Variants in FAT3 observed in about 807,000 individuals in gnomAD.
The protein encoded by FAT3 is protocadherin Fat 3.
A neutral mutation model predicts 310.2 loss-of-function variants in FAT3; 95 were observed. The ratio of observed to expected loss-of-function variants is 0.31; its 90% CI spans 0.26 to 0.36. The LOEUF is 0.36. FAT3 is among the 10% of genes least tolerant of loss of function. The pLI is 1.00. For missense variants in FAT3, 5,408 were observed against 5,715.6 expected (o/e 0.95, Z 1.74); for synonymous variants, 2,314 against 2,192.9 (o/e 1.06, Z -1.54).
intron 2 of FAT3, among the ~76,000 whole-genome samples, chr11:92,481,470 A>G (rs940452744): frequency 2.6e-5 from 4 of 152,194 alleles, no homozygotes; most frequent in African/African-American, 9.6e-5. Context: ...TATATGCATT[A>G]ATCTAGTTTA....
chr11:92,287,814 T>C (rs1411463974), intron 1 of FAT3, among the ~76,000 whole-genome samples: 2 of 152,112 alleles, frequency 1.3e-5, no homozygotes, highest in African/African-American at 4.8e-5. Context: ...TGCCAGAGGT[T>C]CCCAGGTAGC....
chr11:92,560,149 T>C (rs1955170084), intron 3 of FAT3, among the ~76,000 whole-genome samples: 1 of 152,232 alleles, frequency 6.6e-6, no homozygotes, highest in Non-Finnish European at 1.5e-5. Flanking sequence ...GCCATCATAC[T>C]GGATGTTAAG....
intron 1 of FAT3, among the ~76,000 whole-genome samples, chr11:92,307,363 C>G (rs1193779597): frequency 4.6e-5 from 7 of 152,170 alleles, no homozygotes; most frequent in African/African-American, 1.7e-4. Context: ...CACTACCTGG[C>G]TAGGCAGACA....
rs780951951 is a variant in FAT3 at position 92,887,111 on chromosome 11, A to G, written c.13049A>G (p.Asn4350Ser). The change falls in exon 25 of 28, where the codon AAT becomes AGT. Residue 4350 changes from asparagine (N) to serine (S), a missense_variant and splice_region_variant. Coordinates refer to ENST00000525166, the MANE Select transcript of FAT3 (RefSeq NM_001367949.2). ...SSFQSDSGDD[N>S]ASIVTVIQLV... is the part of the protein sequence containing the mutation. ...TTCCAGTCAGATTCTGGTGACGACA[A>G]TGGTAAGAAGTCATCAGATTTGTTC... The G allele has an allele frequency of 1.9e-6, 3 of 1,607,778 alleles. No individual in the cohort carries two copies. The highest frequency in any genetic ancestry group is 2.2e-5 in the South Asian group (2 of 89,126).
intron 1 of FAT3, among the ~76,000 whole-genome samples, chr11:92,280,596 C>T (rs1946394991): frequency 6.6e-6 from 1 of 152,184 alleles, no homozygotes; most frequent in Admixed American, 6.5e-5. Flanking sequence ...CATTACCTTT[C>T]TAAATCACAA....
chr11:92,645,504 A>AAC (rs397946472), intron 3 of FAT3, among the ~76,000 whole-genome samples: 3 of 151,822 alleles, frequency 2.0e-5, no homozygotes, highest in Admixed American at 2.0e-4. Context: ...AAAAAAAAAA[A>AAC]CAGGTAAACA....
intron 5 of FAT3, among the ~76,000 whole-genome samples, chr11:92,763,189 T>C (rs2136090020): frequency 6.6e-6 from 1 of 151,758 alleles, no homozygotes; most frequent in East Asian, 2.0e-4. Context: ...CCACCACTCT[T>C]TTCTTTGTCT....
At chr11:92,636,717 C>CT (rs1270105266) in intron 3 of FAT3, among the ~76,000 whole-genome samples, 1 of 152,206 alleles carries the variant, frequency 6.6e-6, no homozygotes, top group Non-Finnish European at 1.5e-5. Context: ...GGGCTTCAGG[C>CT]TTCAGAACTC....
intron 3 of FAT3, among the ~76,000 whole-genome samples, chr11:92,634,446 C>T (rs1941681535): frequency 6.6e-6 from 1 of 152,212 alleles, no homozygotes; most frequent in Non-Finnish European, 1.5e-5. Context: ...GTATCTCCTC[C>T]TATACTGAAG....
At chr11:92,643,303 T>C (rs1288283071) in intron 3 of FAT3, among the ~76,000 whole-genome samples, 1 of 152,180 alleles carries the variant, frequency 6.6e-6, no homozygotes, top group African/African-American at 2.4e-5. Flanking sequence ...GCAGCCTAAG[T>C]CACCTAAACA....
At chr11:92,812,258 C>G (rs1591767702) in intron 13 of FAT3, among the ~76,000 whole-genome samples, 1 of 152,248 alleles carries the variant, frequency 6.6e-6, no homozygotes, top group Admixed American at 6.5e-5. Flanking sequence ...CAAACTGAAC[C>G]TCTGTCTGGA....
At chr11:92,671,187 T>C (rs993964612) in intron 3 of FAT3, among the ~76,000 whole-genome samples, 2 of 151,924 alleles carry the variant, frequency 1.3e-5, no homozygotes, top group Admixed American at 6.6e-5. Context: ...TGGGATTACA[T>C]GCATGCACCA....
rs1356694243 is a variant in FAT3 at position 92,840,669 on chromosome 11, G to A, written c.10476G>A (p.Glu3492=). ...TCTCTATTTTGTCGGGAAATGAAGA[G>A]GAGGAGTTTGTGTTGGACCCTCATG... is the stretch of plus-strand genomic sequence containing the variant. ...FSFSILSGNE[E]EEFVLDPHGI... Residue 3492 remains glutamate (E), a synonymous_variant, in exon 18 of 28, where the codon GAG becomes GAA. Coordinates refer to ENST00000525166, the MANE Select transcript of FAT3 (RefSeq NM_001367949.2). The A allele has an allele frequency of 9.3e-6, 15 of 1,613,156 alleles. No homozygotes were observed. In the African/African-American group the frequency reaches 2.0e-4, roughly 22 times the overall value.
chr11:92,606,236 A>G (rs1940290934), intron 3 of FAT3, among the ~76,000 whole-genome samples: 1 of 152,198 alleles, frequency 6.6e-6, no homozygotes, highest in South Asian at 2.1e-4. Context: ...CTGTCACAGG[A>G]GTTTCCTTAT....
At chr11:92,760,197 T>C (rs778077427) in intron 4 of FAT3, among the ~76,000 whole-genome samples, 3 of 152,238 alleles carry the variant, frequency 2.0e-5, no homozygotes, top group Non-Finnish European at 4.4e-5. Flanking sequence ...GGAAGGAAAC[T>C]TGATTGATTT....
At chr11:92,463,598 T>G (rs1427364532) in intron 2 of FAT3, among the ~76,000 whole-genome samples, 1 of 152,186 alleles carries the variant, frequency 6.6e-6, no homozygotes, top group Non-Finnish European at 1.5e-5. Flanking sequence ...CCTATTTTTA[T>G]TGGCATCAGA....
intron 3 of FAT3, among the ~76,000 whole-genome samples, chr11:92,614,997 C>A (rs930668828): frequency 6.6e-6 from 1 of 152,080 alleles, no homozygotes; most frequent in Non-Finnish European, 1.5e-5. Context: ...GTCTTAGCAC[C>A]TTTGTTGAAA....
intron 19 of FAT3, among the ~76,000 whole-genome samples, chr11:92,852,674 T>C (rs574656946): frequency 6.6e-6 from 1 of 152,196 alleles, no homozygotes; most frequent in African/African-American, 2.4e-5. Context: ...ATATATCTAA[T>C]ATTTATATTG....
chr11:92,375,866 A>G (rs193196506), intron 2 of FAT3, among the ~76,000 whole-genome samples: 1 of 152,340 alleles, frequency 6.6e-6, no homozygotes, highest in East Asian at 1.9e-4. Flanking sequence ...CATAGCTAAC[A>G]TCTGAAGCAA....
Sources: allele counts gnomAD v4.1 joint callset (sites outside exome capture counted in the v4.1 genomes callset), GRCh38; gene constraint gnomAD v4.1.1; transcripts MANE v1.5; gene names NCBI Gene and HGNC (gene_info 2026-07-23, HGNC 2026-07-21).